IL1RAPL2: variants seen among roughly 807,000 people sequenced by gnomAD.
IL1RAPL2 encodes the protein X-linked interleukin-1 receptor accessory protein-like 2.
A neutral mutation model predicts 44.1 loss-of-function variants in IL1RAPL2; 3 were observed. That is an observed-to-expected ratio of 0.07 (90% CI 0.03 to 0.18). IL1RAPL2 has a LOEUF of 0.18. Ranked by LOEUF, IL1RAPL2 falls within the 10% of genes least tolerant of loss-of-function variation. The pLI, the probability that IL1RAPL2 is intolerant of heterozygous loss-of-function variation, is 1.00. For synonymous variants in IL1RAPL2, 181 were observed against 178.8 expected (o/e 1.01, Z -0.10); for missense variants, 391 against 496.4 (o/e 0.79, Z 2.02).
chrX:104,581,743 C>T (rs761801686), intron 1 of IL1RAPL2, among the ~76,000 whole-genome samples: 50 of 111,353 alleles, frequency 4.5e-4, no homozygotes, highest in African/African-American at 1.5e-3. Context: ...CTATACTATT[C>T]GCTGGGAACT....
intron 1 of IL1RAPL2, chrX:104,647,816 T>C: frequency 1.8e-6 from 1 of 547,648 alleles, no homozygotes; most frequent in Non-Finnish European, 3.3e-6. Flanking sequence ...AATTGGTTTC[T>C]GTACCCATGG....
rs775479374 is a variant in IL1RAPL2 at position 105,010,499 on chromosome X, A to G, written c.83-184976A>G. Among the ~76,000 whole-genome samples, 7 of 112,039 alleles carry G rather than the reference A, an allele frequency of 6.2e-5. No homozygotes were observed. The East Asian group carries it at 2.0e-3, about 32-fold the overall frequency. On this transcript the variant is annotated intron_variant, in intron 2 of 10. Transcript: ENST00000372582. Reference sequence around the variant, plus strand: ...ATATATTAGAAGGTTTAATAGAAGAAATAGAATGTCACTGTCGTAATTGGC... The same window carrying G: ...ATATATTAGAAGGTTTAATAGAAGAGATAGAATGTCACTGTCGTAATTGGC...
chrX:104,570,405 G>GT (rs1928123912), intron 1 of IL1RAPL2, among the ~76,000 whole-genome samples: 1 of 112,051 alleles, frequency 8.9e-6, no homozygotes, highest in Non-Finnish European at 1.9e-5. Context: ...TGTCTGTCCA[G>GT]GCTGGGCATG....
At chrX:105,360,713 C>T (rs1300279127) in intron 5 of IL1RAPL2, among the ~76,000 whole-genome samples, 4 of 109,807 alleles carry the variant, frequency 3.6e-5, no homozygotes, top group African/African-American at 1.3e-4. Flanking sequence ...GTGTGAAAGC[C>T]CAGGGGTAGG....
intron 2 of IL1RAPL2, 93 bp downstream of exon 2, chrX:104,659,088 T>A: frequency 1.8e-6 from 1 of 549,277 alleles, no homozygotes; most frequent in Non-Finnish European, 3.1e-6. Flanking sequence ...TGAATGTCTT[T>A]AAATAGAAGC....
At chrX:104,660,498 C>A (rs1158089314) in intron 2 of IL1RAPL2, among the ~76,000 whole-genome samples, 3 of 105,184 alleles carry the variant, frequency 2.9e-5, no homozygotes, top group South Asian at 8.3e-4. Flanking sequence ...CTGTCTTATA[C>A]CTTGGTTTGC....
chrX:104,727,874 C>T (rs766936416), intron 2 of IL1RAPL2, among the ~76,000 whole-genome samples: 1 of 109,877 alleles, frequency 9.1e-6, no homozygotes, highest in East Asian at 2.9e-4. Context: ...TAAAATACTG[C>T]ATGTTCTCAC....
chrX:105,614,669 C>CA lies in IL1RAPL2; in HGVS notation c.773-102693dup, dbSNP rs770548091. 5.0e-3 allele frequency among the ~76,000 whole-genome samples: 558 copies of CA among 111,681 alleles called. 8 individuals are homozygous for CA. Among genetic ancestry groups the CA allele is most frequent in the African/African-American group, 0.017 (530 of 30,741 alleles). On this transcript the variant is annotated intron_variant, in intron 6 of 10. Coordinates refer to ENST00000372582, the MANE Select transcript of IL1RAPL2 (RefSeq NM_017416.2). ...CTGGACCCATATCTCTCTCCTTATA[C>CA]AAAAATCAAATAAAACTGGATTAAA...
chrX:105,478,465 G>T (rs1179749182), intron 5 of IL1RAPL2, among the ~76,000 whole-genome samples: 1 of 110,938 alleles, frequency 9.0e-6, no homozygotes, highest in East Asian at 2.8e-4. Flanking sequence ...TGTTCATTCA[G>T]CCTGTCATTC....
chrX:104,701,669 G>C (rs5962974), intron 2 of IL1RAPL2, among the ~76,000 whole-genome samples: 48,786 of 110,280 alleles, frequency 0.44, 8,730 homozygotes, highest in South Asian at 0.65. Flanking sequence ...AGGTCCATTG[G>C]CTAAATGAAT....
At chrX:105,713,185 G>A (rs750596844) in intron 6 of IL1RAPL2, among the ~76,000 whole-genome samples, 5 of 111,707 alleles carry the variant, frequency 4.5e-5, no homozygotes, top group Admixed American at 9.4e-5. Flanking sequence ...CTGGAGGATG[G>A]TGGTCCTCTT....
At chrX:105,382,862 C>G (rs780151514) in intron 5 of IL1RAPL2, among the ~76,000 whole-genome samples, 1 of 105,673 alleles carries the variant, frequency 9.5e-6, no homozygotes, top group Admixed American at 1.0e-4. Flanking sequence ...AGCAAACTAT[C>G]GTAAGAACAA....
chrX:104,609,250 G>A lies in IL1RAPL2; in HGVS notation c.-20+42199G>A, dbSNP rs747464252. Among the ~76,000 whole-genome samples, 7 of 111,756 alleles carry A rather than the reference G, an allele frequency of 6.3e-5. 1 individual carries two copies. The South Asian group carries it at 2.7e-3, about 43-fold the overall frequency. ...TTAGTCTGATGGGCTTCCCTTTGTGGGTAACTCGACCTTTCTCTCTGGCTG... is the reference window on the plus strand; with the variant it reads ...TTAGTCTGATGGGCTTCCCTTTGTGAGTAACTCGACCTTTCTCTCTGGCTG... On this transcript the variant is annotated intron_variant, in intron 1 of 10. Transcript: ENST00000372582.
chrX:104,856,201 A>G (rs890639450), intron 2 of IL1RAPL2, among the ~76,000 whole-genome samples: 1 of 112,259 alleles, frequency 8.9e-6, no homozygotes, highest in Non-Finnish European at 1.9e-5. Context: ...TATTCCAAGA[A>G]GACTGAAGCA....
At chrX:104,814,519 T>C (rs1921084731) in intron 2 of IL1RAPL2, among the ~76,000 whole-genome samples, 1 of 112,305 alleles carries the variant, frequency 8.9e-6, no homozygotes, top group South Asian at 3.7e-4. Flanking sequence ...AGCCACTCAA[T>C]GGATATTTGA....
At chrX:104,609,385 T>C (rs1320527424) in intron 1 of IL1RAPL2, among the ~76,000 whole-genome samples, 1 of 112,059 alleles carries the variant, frequency 8.9e-6, no homozygotes, top group Non-Finnish European at 1.9e-5. Flanking sequence ...ATATCCTGAA[T>C]TTGAATGTTG....
intron 2 of IL1RAPL2, among the ~76,000 whole-genome samples, chrX:104,979,186 A>G (rs1335750023): frequency 9.0e-6 from 1 of 111,604 alleles, no homozygotes; most frequent in African/African-American, 3.2e-5. Flanking sequence ...AAACACTAAC[A>G]TATATAATTA....
intron 5 of IL1RAPL2, among the ~76,000 whole-genome samples, chrX:105,397,912 C>T (rs2035576032): frequency 9.0e-6 from 1 of 110,671 alleles, no homozygotes. Context: ...ATCCTTAGCT[C>T]TCTTCTCTTG....
At chrX:105,442,594 C>A (rs1431657965) in intron 5 of IL1RAPL2, among the ~76,000 whole-genome samples, 1 of 105,406 alleles carries the variant, frequency 9.5e-6, no homozygotes, top group Non-Finnish European at 1.9e-5. Context: ...CCATCTCTTG[C>A]ATGCTTATAT....
Sources: gnomAD v4.1 joint callset for allele counts (sites outside exome capture counted in the v4.1 genomes callset) on GRCh38, gnomAD v4.1.1 for gene constraint, MANE v1.5 for transcripts, NCBI Gene and HGNC (gene_info 2026-07-23, HGNC 2026-07-21) for gene names.